The following DIP2C variants were observed in gnomAD, a reference collection of about 807,000 sequenced individuals.
DIP2C encodes the protein disco-interacting protein 2 homolog C.
DIP2C carries 33 observed loss-of-function variants against 192.4 expected under a neutral mutation model. The observed-to-expected ratio is 0.17, with a 90% CI of 0.13 to 0.23. The LOEUF is 0.23. Among genes scored for constraint, DIP2C ranks in the 10% least tolerant of loss-of-function variants. The pLI, the probability that DIP2C is intolerant of heterozygous loss-of-function variation, is 1.00. For missense variants in DIP2C, 1,537 were observed against 2,110.1 expected (o/e 0.73, Z 5.32); for synonymous variants, 979 against 864.1 (o/e 1.13, Z -2.33).
chr10:384,066 A>C lies in DIP2C; in HGVS notation c.1837T>G (p.Ser613Ala). The change falls in exon 16 of 37, where the codon TCT (serine) becomes GCT (alanine). Residue 613 changes from serine (S) to alanine (A), a missense_variant. Around this residue, in one of 4 missense-constraint regions of DIP2C, gnomAD observed 677 missense variants for 989.9 expected, o/e 0.68. Transcript: ENST00000280886. ...HRDQRDINLS[S>A]LRMLIVADGA... The stretch of plus-strand genomic sequence containing the variant: ...TCCGCCACTATCAGCATTCGCAGAG[A>C]GGAGAGGTTGATGTCTCTCTGATCT... The C allele has an allele frequency of 6.2e-7, 1 of 1,611,164 alleles. No homozygotes were observed. Among genetic ancestry groups the C allele is most frequent in the Non-Finnish European group, 8.5e-7 (1 of 1,179,198 alleles).
chr10:393,159 GAATA>G (rs1963635061), intron 10 of DIP2C, among the ~76,000 whole-genome samples: 1 of 152,178 alleles, frequency 6.6e-6, no homozygotes, highest in African/African-American at 2.4e-5. Context: ...TCAGGAAAGT[GAATA>G]AAAAGAATCC....
chr10:607,903 C>G (rs1852612979), intron 1 of DIP2C, among the ~76,000 whole-genome samples: 1 of 151,966 alleles, frequency 6.6e-6, no homozygotes, highest in Non-Finnish European at 1.5e-5. Context: ...CTAAGACGTA[C>G]GACTCTGTAA....
At chr10:562,031 G>A (rs754441309) in intron 1 of DIP2C, among the ~76,000 whole-genome samples, 8 of 152,198 alleles carry the variant, frequency 5.3e-5, no homozygotes, top group East Asian at 1.9e-4. Flanking sequence ...ATCAGCAAGC[G>A]GACGTTCCGA....
rs1017485182 is a variant in DIP2C, at chr10:413,956, G to A, written c.1014C>T (p.Thr338=). 5.6e-6 allele frequency: 9 copies of A among 1,614,098 alleles called. No homozygotes were observed. In the East Asian group the frequency reaches 8.9e-5, roughly 16 times the overall value. ...GGGGCTTCCCGTTGGTGTCCATGGT[G>A]GTCAGGCAGGGCGCCTTGGGCGAGA... ...GTISPKAPCL[T]TMDTNGKPLY... The change falls in exon 8 of 37, where the codon ACC becomes ACT. Residue 338 remains threonine (T), a synonymous_variant. Coordinates refer to ENST00000280886, the MANE Select transcript of DIP2C (RefSeq NM_014974.3).
chr10:295,429 C>T (rs1377996295), intron 32 of DIP2C, among the ~76,000 whole-genome samples: 5 of 151,438 alleles, frequency 3.3e-5, no homozygotes, highest in East Asian at 1.9e-4. Context: ...GGTGCGGTGG[C>T]GGGCGCCTGT....
At chr10:582,368 A>C (rs540912252) in intron 1 of DIP2C, among the ~76,000 whole-genome samples, 1 of 152,314 alleles carries the variant, frequency 6.6e-6, no homozygotes, top group East Asian at 1.9e-4. Flanking sequence ...CCGTACACTT[A>C]ACATAAAACA....
intron 24 of DIP2C, among the ~76,000 whole-genome samples, chr10:349,716 G>A (rs1326434931): frequency 1.3e-5 from 2 of 152,168 alleles, no homozygotes; most frequent in Admixed American, 6.5e-5. Flanking sequence ...GATATATTTA[G>A]AGTAACAAGC....
intron 1 of DIP2C, among the ~76,000 whole-genome samples, chr10:495,823 A>C (rs904930179): frequency 3.3e-5 from 5 of 151,660 alleles, no homozygotes; most frequent in African/African-American, 9.7e-5. Context: ...CATTACTCTC[A>C]ATACCCCAAA....
intron 1 of DIP2C, among the ~76,000 whole-genome samples, chr10:577,217 C>T (rs1409108369): frequency 6.6e-6 from 1 of 152,178 alleles, no homozygotes; most frequent in African/African-American, 2.4e-5. Context: ...AGCACTGACA[C>T]ATGGTACAAG....
intron 1 of DIP2C, among the ~76,000 whole-genome samples, chr10:580,542 C>T (rs1850566186): frequency 6.6e-6 from 1 of 152,176 alleles, no homozygotes; most frequent in South Asian, 2.1e-4. Context: ...CATGTACATG[C>T]ATGCCCATAG....
chr10:366,190 C>T, intron 19 of DIP2C, 85 bp downstream of exon 19: 1 of 1,544,168 alleles, frequency 6.5e-7, no homozygotes, highest in Non-Finnish European at 8.8e-7. Flanking sequence ...ATCTTACATT[C>T]CACGTCTATC....
At chr10:348,238 A>T (rs1275468422) in intron 26 of DIP2C, among the ~76,000 whole-genome samples, 1 of 151,976 alleles carries the variant, frequency 6.6e-6, no homozygotes, top group African/African-American at 2.4e-5. Context: ...CTGTAGACGA[A>T]GGAAAACAGA....
chr10:283,428 G>A lies in DIP2C; in HGVS notation c.4138C>T (p.His1380Tyr). 6.2e-7 allele frequency: 1 copy of A among 1,614,120 alleles called. No individual in the cohort carries two copies. Among genetic ancestry groups the A allele is most frequent in the Non-Finnish European group, 8.5e-7 (1 of 1,180,002 alleles). The change falls in exon 35 of 37, where the codon CAC becomes TAC. Residue 1380 changes from histidine (H) to tyrosine (Y), a missense_variant. His to Tyr is a moderately conservative substitution (Grantham distance 83). Transcript: ENST00000280886. ...HLGEIWVHSA[H>Y]NASGYFTIYG... is the part of the protein sequence containing the mutation. ...ATAGTGAAATAACCGCTGGCATTGT[G>A]GGCACTGTGAACCCAAATCTGCAAA...
chr10:314,100 G>A (rs565362102), intron 31 of DIP2C, among the ~76,000 whole-genome samples: 1 of 152,244 alleles, frequency 6.6e-6, no homozygotes, highest in South Asian at 2.1e-4. Context: ...CTCTTCAAAT[G>A]GAAAGGAAAA....
At chr10:680,985 G>C (rs113289282) in intron 1 of DIP2C, among the ~76,000 whole-genome samples, 2 of 148,408 alleles carry the variant, frequency 1.3e-5, no homozygotes, top group Admixed American at 1.3e-4. Context: ...TGCAGCCACC[G>C]CCTGCGGCCA....
intron 31 of DIP2C, among the ~76,000 whole-genome samples, chr10:318,182 G>A (rs1209550431): frequency 8.5e-5 from 13 of 152,268 alleles, no homozygotes; most frequent in Non-Finnish European, 1.3e-4. Context: ...GCCACACTTT[G>A]GTCACCATAC....
At chr10:372,067 CCCTTT>C (rs1213198481) in intron 17 of DIP2C, among the ~76,000 whole-genome samples, 8 of 148,482 alleles carry the variant, frequency 5.4e-5, no homozygotes, top group East Asian at 2.0e-4. Flanking sequence ...CACAAAAACC[CCCTTT>C]CCTTTTTTTT....
At chr10:606,026 G>A (rs1027214531) in intron 1 of DIP2C, among the ~76,000 whole-genome samples, 2 of 152,158 alleles carry the variant, frequency 1.3e-5, no homozygotes, top group South Asian at 2.1e-4. Context: ...CCCACTCCAC[G>A]CCGGGGTCCG....
rs1210280996 is a variant in DIP2C, at chr10:274,881, AT to A, written c.*2443del. On this transcript the variant is annotated 3_prime_UTR_variant, in exon 37 of 37. Coordinates refer to ENST00000280886, the MANE Select transcript of DIP2C (RefSeq NM_014974.3). ...AACATTTTTTACAATCTCATGAATG[AT>A]TTATCTACAGTACAATTTTGAATAC... The A allele has an allele frequency of 2.9e-4, 44 of 152,184 alleles. No homozygotes were observed. Among genetic ancestry groups the A allele is most frequent in the African/African-American group, 1.0e-3 (43 of 41,420 alleles). The allele number at this position is 152,184 out of a possible 1,614,324, so 9.4% of individuals were successfully genotyped here.
Sources: allele counts gnomAD v4.1 joint callset (sites outside exome capture counted in the v4.1 genomes callset), GRCh38; gene constraint gnomAD v4.1.1; regional missense constraint gnomAD v4.1.1; transcripts MANE v1.5; gene names NCBI Gene and HGNC (gene_info 2026-07-23, HGNC 2026-07-21).